KIAA0825: variants seen among roughly 807,000 people sequenced by gnomAD.
KIAA0825 encodes KIAA0825.
KIAA0825 carries 119 observed loss-of-function variants against 147.6 expected under a neutral mutation model. The ratio of observed to expected loss-of-function variants is 0.81; its 90% confidence interval spans 0.69 to 0.94. The LOEUF (loss-of-function observed/expected upper bound fraction) is 0.94. KIAA0825 is among the 40% of genes least tolerant of loss of function. The probability of loss-of-function intolerance (pLI) is 0.00; values close to 1 mark genes in which losing one functional copy is unlikely to be tolerated. For missense variants in KIAA0825, 1,381 were observed against 1,472.7 expected, an observed-to-expected ratio of 0.94 and a Z score of 1.02; for synonymous variants, 470 against 518.1, an observed-to-expected ratio of 0.91 and a Z score of 1.26.
At chr5:94,294,520 GT>G (rs1778047534) in intron 20 of KIAA0825, among the ~76,000 whole-genome samples, 1 of 152,196 alleles carries the variant, frequency 6.6e-6, no homozygotes, top group Admixed American at 6.5e-5. Flanking sequence ...GAGGTCAGGA[GT>G]TTGAGACCAG....
intron 20 of KIAA0825, among the ~76,000 whole-genome samples, chr5:94,165,907 A>G (rs1194664324): frequency 1.3e-5 from 2 of 152,186 alleles, no homozygotes; most frequent in African/African-American, 4.8e-5. Context: ...GGGTACAAAA[A>G]CTAGTTAGAA....
chr5:94,550,510 A>G (rs577606647), intron 2 of KIAA0825, among the ~76,000 whole-genome samples: 1 of 152,316 alleles, frequency 6.6e-6, no homozygotes, highest in East Asian at 1.9e-4. Flanking sequence ...AAATCAACAT[A>G]GGGACATATC....
intron 16 of KIAA0825, 34 bp from the exon 17 acceptor site, chr5:94,396,543 A>G: frequency 6.9e-7 from 1 of 1,448,896 alleles, no homozygotes; most frequent in South Asian, 1.5e-5. Context: ...GATTAATATT[A>G]GCATTTGCGT....
intron 14 of KIAA0825, among the ~76,000 whole-genome samples, chr5:94,423,060 G>C (rs255174): frequency 0.26 from 38,789 of 152,112 alleles, 5,273 homozygotes; most frequent in Middle Eastern, 0.35. Context: ...ACTGCAAAGG[G>C]TTGCATTCTG....
chr5:94,349,967 T>C (rs1283889963), intron 20 of KIAA0825, among the ~76,000 whole-genome samples: 1 of 151,270 alleles, frequency 6.6e-6, no homozygotes, highest in Non-Finnish European at 1.5e-5. Context: ...AACAAAGAAA[T>C]ACAAAAGATA....
chr5:94,384,305 A>G, intron 20 of KIAA0825, 63 bp downstream of exon 20: 1 of 1,151,534 alleles, frequency 8.7e-7, no homozygotes, highest in Non-Finnish European at 1.3e-6. Flanking sequence ...GTGTATACAC[A>G]CACACACGCA....
chr5:94,151,200 G>C lies in KIAA0825; in HGVS notation c.*2807C>G, dbSNP rs1766452188. Reference sequence around the variant, plus strand: ...TGGGAGGCCGAGGCGGGTGGATCATGAGGTCAGGAGATCGAGACCATCCTG... The same window carrying C: ...TGGGAGGCCGAGGCGGGTGGATCATCAGGTCAGGAGATCGAGACCATCCTG... On this transcript the variant is annotated 3_prime_UTR_variant, in exon 21 of 21. Coordinates refer to ENST00000682413, the MANE Select transcript of KIAA0825 (RefSeq NM_001145678.3). 6.6e-6 allele frequency among the ~76,000 whole-genome samples: 1 copy of C among 151,332 alleles called. No individual in the cohort carries two copies.
intron 2 of KIAA0825, among the ~76,000 whole-genome samples, chr5:94,542,033 G>C (rs1181232018): frequency 2.0e-5 from 3 of 152,128 alleles, no homozygotes; most frequent in African/African-American, 4.8e-5. Context: ...GTTTTTAACT[G>C]TGACTGTCCT....
intron 2 of KIAA0825, among the ~76,000 whole-genome samples, chr5:94,563,387 A>G (rs1380729669): frequency 6.6e-6 from 1 of 151,756 alleles, no homozygotes; most frequent in Non-Finnish European, 1.5e-5. Flanking sequence ...TTTTGGATTC[A>G]CTCAACTTCA....
chr5:94,436,454 T>C (rs1409752560), intron 14 of KIAA0825, among the ~76,000 whole-genome samples: 1 of 152,132 alleles, frequency 6.6e-6, no homozygotes, highest in East Asian at 1.9e-4. Context: ...TATTTCTGGG[T>C]TCTCTGTTCT....
intron 20 of KIAA0825, among the ~76,000 whole-genome samples, chr5:94,199,546 C>CA (rs1035635005): frequency 1.3e-5 from 2 of 151,990 alleles, no homozygotes; most frequent in African/African-American, 2.4e-5. Flanking sequence ...TGCATACTGA[C>CA]AGAGTGGTTG....
At chr5:94,234,631 G>A (rs1383017902) in intron 20 of KIAA0825, among the ~76,000 whole-genome samples, 1 of 152,116 alleles carries the variant, frequency 6.6e-6, no homozygotes, top group Non-Finnish European at 1.5e-5. Context: ...GAAGCAAAGG[G>A]GAAACAGGCA....
intron 20 of KIAA0825, among the ~76,000 whole-genome samples, chr5:94,238,850 G>A (rs1314159511): frequency 6.6e-6 from 1 of 152,052 alleles, no homozygotes; most frequent in Non-Finnish European, 1.5e-5. Context: ...GAGGGAATAT[G>A]ATCAACGTTA....
chr5:94,396,215 T>C lies in KIAA0825; in HGVS notation c.3182A>G (p.Asp1061Gly). The change falls in exon 17 of 21, where the codon GAC becomes GGC. Residue 1061 changes from aspartate to glycine, a missense_variant. Asp to Gly is a moderately conservative substitution (Grantham distance 94). Transcript: ENST00000682413. ...ICMCLKSIMGDQTSIHNQMIQ... is the reference protein window; with the variant it reads ...ICMCLKSIMGGQTSIHNQMIQ... ...CATTTGATTATGGATACTTGTCTGG[T>C]CTCCCATGATGCTTTTCAAACACAT... 1.9e-6 allele frequency: 3 copies of C among 1,551,702 alleles called. No individual in the cohort carries two copies. The highest frequency in any genetic ancestry group is 2.6e-6 in the Non-Finnish European group (3 of 1,146,952).
At chr5:94,567,852 C>G (rs1301720596) in intron 2 of KIAA0825, 4 of 155,404 alleles carry the variant, frequency 2.6e-5, no homozygotes, top group African/African-American at 9.7e-5. Flanking sequence ...GAAGGCCCTA[C>G]CCCCATCTCA....
chr5:94,424,040 T>C (rs1196654836), intron 14 of KIAA0825, among the ~76,000 whole-genome samples: 1 of 152,146 alleles, frequency 6.6e-6, no homozygotes, highest in Non-Finnish European at 1.5e-5. Context: ...TTAATATAAC[T>C]TTTTTTACAC....
At chr5:94,518,180 T>C (rs1767565189) in intron 5 of KIAA0825, among the ~76,000 whole-genome samples, 1 of 152,202 alleles carries the variant, frequency 6.6e-6, no homozygotes, top group Non-Finnish European at 1.5e-5. Context: ...CGAGCCATTG[T>C]CGGTCATCTC....
At chr5:94,436,698 A>G (rs1475876502) in intron 14 of KIAA0825, among the ~76,000 whole-genome samples, 1 of 152,160 alleles carries the variant, frequency 6.6e-6, no homozygotes. Context: ...TTGTATCTAT[A>G]AATTTATTTC....
intron 20 of KIAA0825, among the ~76,000 whole-genome samples, chr5:94,175,305 C>T (rs904951978): frequency 1.3e-5 from 2 of 152,158 alleles, no homozygotes; most frequent in South Asian, 2.1e-4. Context: ...TGACCTGTTT[C>T]CCCTTTAACT....
Sources: gnomAD v4.1 joint callset for allele counts (sites outside exome capture counted in the v4.1 genomes callset) on GRCh38, gnomAD v4.1.1 for gene constraint, MANE v1.5 for transcripts, NCBI Gene and HGNC (gene_info 2026-07-23, HGNC 2026-07-21) for gene names.